The following ROBO2 variants were observed in gnomAD, a reference collection of about 807,000 sequenced individuals.
ROBO2 encodes the protein roundabout homolog 2.
A neutral mutation model predicts 160.8 loss-of-function variants in ROBO2; 53 were observed. The ratio of observed to expected loss-of-function variants is 0.33; its 90% CI spans 0.26 to 0.41. ROBO2 has a LOEUF of 0.41. Ranked by LOEUF, ROBO2 falls within the 10% of genes least tolerant of loss-of-function variation. The pLI is 1.00. For synonymous variants in ROBO2, 664 were observed against 611.7 expected (o/e 1.09, Z -1.26); for missense variants, 1,577 against 1,722.4 (o/e 0.92, Z 1.49).
At chr3:76,702,396 T>C (rs2093063754) in intron 2 of ROBO2, among the ~76,000 whole-genome samples, 1 of 152,058 alleles carries the variant, frequency 6.6e-6, no homozygotes, top group Non-Finnish European at 1.5e-5. Context: ...ATGCACATAA[T>C]TCCAGTGCTG....
intron 2 of ROBO2, among the ~76,000 whole-genome samples, chr3:77,218,533 T>G (rs2008911): frequency 6.6e-6 from 1 of 151,922 alleles, no homozygotes; most frequent in East Asian, 2.0e-4. Flanking sequence ...CAAGCATGCC[T>G]GGCTAATTTT....
intron 7 of ROBO2, among the ~76,000 whole-genome samples, chr3:77,548,651 C>T (rs2092794582): frequency 6.6e-6 from 1 of 151,880 alleles, no homozygotes; most frequent in Non-Finnish European, 1.5e-5. Flanking sequence ...ATTCCTTTTT[C>T]TGTATTTGAC....
chr3:77,494,985 A>C (rs2086605956), intron 5 of ROBO2, among the ~76,000 whole-genome samples: 1 of 152,226 alleles, frequency 6.6e-6, no homozygotes, highest in South Asian at 2.1e-4. Context: ...GAATGGTATT[A>C]GTAGAAGAGG....
At chr3:76,456,936 AG>A (rs1240439633) in intron 2 of ROBO2, among the ~76,000 whole-genome samples, 7 of 152,154 alleles carry the variant, frequency 4.6e-5, no homozygotes, top group Non-Finnish European at 8.8e-5. Context: ...CAAAAATAGC[AG>A]GGGGAAGACT....
chr3:77,607,600 A>G (rs1204040087), intron 20 of ROBO2, among the ~76,000 whole-genome samples, 198 bp from the exon 22 acceptor site: 1 of 152,092 alleles, frequency 6.6e-6, no homozygotes, highest in Non-Finnish European at 1.5e-5. Flanking sequence ...CTGTTAATGC[A>G]CTGGGGAAAA....
intron 2 of ROBO2, among the ~76,000 whole-genome samples, chr3:76,140,320 A>G (rs2106749062): frequency 6.6e-6 from 1 of 152,148 alleles, no homozygotes; most frequent in Non-Finnish European, 1.5e-5. Flanking sequence ...AATCAACTAC[A>G]CTTTTTCAGT....
chr3:76,585,380 C>T (rs998996035), intron 2 of ROBO2, among the ~76,000 whole-genome samples: 2 of 152,182 alleles, frequency 1.3e-5, no homozygotes, highest in African/African-American at 4.8e-5. Context: ...TTTTCCCAGA[C>T]AATTCATCAC....
chr3:76,052,908 A>G (rs1046497160), intron 2 of ROBO2, among the ~76,000 whole-genome samples: 15 of 152,160 alleles, frequency 9.9e-5, no homozygotes, highest in African/African-American at 3.6e-4. Context: ...GGGAAATTCT[A>G]AACATTGAAA....
intron 2 of ROBO2, among the ~76,000 whole-genome samples, chr3:76,373,462 A>G (rs199607562): frequency 7.9e-5 from 12 of 151,906 alleles, no homozygotes; most frequent in East Asian, 1.9e-4. Context: ...AGTTTCATGG[A>G]CACTCTTGGA....
At chr3:76,527,441 A>G (rs2082007529) in intron 2 of ROBO2, among the ~76,000 whole-genome samples, 1 of 152,120 alleles carries the variant, frequency 6.6e-6, no homozygotes, top group African/African-American at 2.4e-5. Flanking sequence ...ATTAGGAGTA[A>G]TATCTGAGCA....
At chr3:77,210,665 G>A (rs191095543) in intron 2 of ROBO2, among the ~76,000 whole-genome samples, 1,561 of 152,212 alleles carry the variant, frequency 0.01, 15 homozygotes, top group Non-Finnish European at 0.014. Flanking sequence ...GTATACATGT[G>A]CCATGTTGGT....
chr3:77,589,596 CAAT>C (rs752448118), intron 17 of ROBO2, among the ~76,000 whole-genome samples: 1 of 152,078 alleles, frequency 6.6e-6, no homozygotes, highest in Non-Finnish European at 1.5e-5. Context: ...ATCTTCACAA[CAAT>C]GTTTTCTTCT....
At chr3:77,380,396 G>C (rs114150624) in intron 2 of ROBO2, among the ~76,000 whole-genome samples, 4,093 of 152,194 alleles carry the variant, frequency 0.027, 217 homozygotes, top group African/African-American at 0.093. Context: ...TATGGAAAGA[G>C]GAGAACTGAG....
At chr3:77,602,842 C>G (rs1030691145) in intron 20 of ROBO2, 4 of 467,402 alleles carry the variant, frequency 8.6e-6, no homozygotes, top group Non-Finnish European at 1.7e-5. Context: ...CCCACAACAT[C>G]TGCTTCTGAG....
At position 77,401,263 on chromosome 3, in the gene ROBO2, T is replaced by A. The variant is rs201104067; in HGVS notation, c.389-76151T>A. 3.4e-3 allele frequency among the ~76,000 whole-genome samples: 509 copies of A among 147,724 alleles called. 5 individuals carry two copies. Among genetic ancestry groups the A allele is most frequent in the African/African-American group, 0.011 (427 of 40,352 alleles). On this transcript the variant is annotated intron_variant, in intron 2 of 25. Coordinates refer to ENST00000461745, the Ensembl canonical transcript of ROBO2. ...GTACTACTGCAGAGTTGTTTGTATTTAAAAAAAAAAAAACTCAAAGAGGGG... is the reference window on the plus strand; with the variant it reads ...GTACTACTGCAGAGTTGTTTGTATTAAAAAAAAAAAAAACTCAAAGAGGGG...
chr3:76,039,253 A>G (rs2067209135), intron 2 of ROBO2, among the ~76,000 whole-genome samples: 2 of 151,966 alleles, frequency 1.3e-5, no homozygotes. Context: ...AGGGAAATAC[A>G]GAGTTGTGTT....
chr3:76,538,466 A>C (rs2108185873), intron 2 of ROBO2, among the ~76,000 whole-genome samples: 1 of 152,320 alleles, frequency 6.6e-6, no homozygotes, highest in East Asian at 1.9e-4. Flanking sequence ...TACATCTTGA[A>C]AGCAGGTATG....
At chr3:76,090,628 GA>G (rs1559903644) in intron 2 of ROBO2, among the ~76,000 whole-genome samples, 1 of 152,104 alleles carries the variant, frequency 6.6e-6, no homozygotes, top group Non-Finnish European at 1.5e-5. Flanking sequence ...AAAAGAATCA[GA>G]ATCGCCAATT....
At chr3:76,752,096 G>T (rs1359839049) in intron 2 of ROBO2, among the ~76,000 whole-genome samples, 1 of 152,110 alleles carries the variant, frequency 6.6e-6, no homozygotes, top group Non-Finnish European at 1.5e-5. Context: ...TATACAGCAT[G>T]GAATACTATG....
Sources: gnomAD v4.1 joint callset for allele counts (sites outside exome capture counted in the v4.1 genomes callset) on GRCh38, gnomAD v4.1.1 for gene constraint, MANE v1.5 for transcripts, NCBI Gene and HGNC (gene_info 2026-07-23, HGNC 2026-07-21) for gene names.